Variants in ANO2 observed in about 807,000 individuals in gnomAD.
The protein encoded by ANO2 is anoctamin-2.
A neutral mutation model predicts 124.2 loss-of-function variants in ANO2; 101 were observed. The ratio of observed to expected loss-of-function variants is 0.81; its 90% CI spans 0.69 to 0.96. ANO2 has a LOEUF of 0.96. Ranked by LOEUF, ANO2 falls within the 40% of genes least tolerant of loss-of-function variation. The probability of loss-of-function intolerance (pLI) is 0.00; values close to 1 mark genes in which losing one functional copy is unlikely to be tolerated. For synonymous variants in ANO2, 486 were observed against 482.5 expected (o/e 1.01, Z -0.09); for missense variants, 1,293 against 1,274.5 (o/e 1.01, Z -0.22).
chr12:5,633,882 C>A (rs1945863250), intron 16 of ANO2, among the ~76,000 whole-genome samples: 1 of 152,054 alleles, frequency 6.6e-6, no homozygotes, highest in Non-Finnish European at 1.5e-5. Flanking sequence ...GTTTCCTTTG[C>A]CAGGAATCTT....
chr12:5,832,088 C>T (rs1026076654), intron 5 of ANO2, among the ~76,000 whole-genome samples: 2 of 152,196 alleles, frequency 1.3e-5, no homozygotes, highest in Non-Finnish European at 2.9e-5. Flanking sequence ...TGTTGAAACC[C>T]TATTAGACTG....
intron 16 of ANO2, among the ~76,000 whole-genome samples, chr12:5,626,695 C>G (rs1945426142): frequency 6.6e-6 from 1 of 152,114 alleles, no homozygotes; most frequent in Admixed American, 6.5e-5. Context: ...AGTGAAGAGA[C>G]AAGGAGAGGA....
intron 20 of ANO2, among the ~76,000 whole-genome samples, chr12:5,596,716 G>C (rs554145604): frequency 2.0e-5 from 3 of 152,118 alleles, no homozygotes; most frequent in East Asian, 1.9e-4. Flanking sequence ...TGTGTATTCA[G>C]TGGCATGGCC....
At chr12:5,712,493 C>A (rs1949854900) in intron 14 of ANO2, among the ~76,000 whole-genome samples, 1 of 152,092 alleles carries the variant, frequency 6.6e-6, no homozygotes, top group Admixed American at 6.5e-5. Context: ...CTGGAGCCAC[C>A]AAGGGCTGGA....
rs1379676548 is a variant in ANO2, at chr12:5,739,305, G to A, written c.1434+12C>T. 2 of 1,588,526 alleles carry A rather than the reference G, an allele frequency of 1.3e-6. No individual in the cohort carries two copies. Among genetic ancestry groups the A allele is most frequent in the Non-Finnish European group, 1.7e-6 (2 of 1,165,768 alleles). The stretch of plus-strand genomic sequence containing the variant: ...CCACAGAAGTATGTGAGAAATACGT[G>A]AGAGAACTCACTTCTTCCTCTTCTA... On this transcript the variant is annotated intron_variant, in intron 13 of 24. Coordinates refer to ENST00000682330, the MANE Select transcript of ANO2 (RefSeq NM_001364791.2).
intron 15 of ANO2, among the ~76,000 whole-genome samples, chr12:5,644,754 A>G (rs406430): frequency 0.32 from 48,388 of 152,090 alleles, 8,355 homozygotes; most frequent in African/African-American, 0.42. Flanking sequence ...GATTCGGTTG[A>G]TAGCAAACTC....
At chr12:5,676,227 C>T (rs1289588903) in intron 14 of ANO2, among the ~76,000 whole-genome samples, 4 of 152,148 alleles carry the variant, frequency 2.6e-5, no homozygotes, top group Non-Finnish European at 4.4e-5. Context: ...TTTAGAAAGG[C>T]GTCAAGCCAC....
At chr12:5,814,654 C>T (rs1341395781) in intron 7 of ANO2, among the ~76,000 whole-genome samples, 1 of 152,222 alleles carries the variant, frequency 6.6e-6, no homozygotes, top group Non-Finnish European at 1.5e-5. Flanking sequence ...GAATTTGTGT[C>T]TGTTGGATTC....
chr12:5,921,422 C>CA, intron 2 of ANO2, 56 bp from the exon 3 acceptor site: 1 of 1,534,046 alleles, frequency 6.5e-7, no homozygotes, highest in Non-Finnish European at 8.9e-7. Context: ...GGGTGAGAAA[C>CA]AGAGGAGGCT....
At chr12:5,667,416 T>C (rs1947784985) in intron 14 of ANO2, among the ~76,000 whole-genome samples, 1 of 151,970 alleles carries the variant, frequency 6.6e-6, no homozygotes, top group Non-Finnish European at 1.5e-5. Context: ...ATTGACCTAA[T>C]GAAGACTCCT....
intron 1 of ANO2, among the ~76,000 whole-genome samples, chr12:5,927,913 G>A (rs551672595): frequency 6.6e-6 from 1 of 152,208 alleles, no homozygotes; most frequent in Admixed American, 6.5e-5. Context: ...TTCTGAACAG[G>A]GGGGAGGGGC....
intron 3 of ANO2, among the ~76,000 whole-genome samples, chr12:5,870,591 G>A (rs2137280286): frequency 6.6e-6 from 1 of 152,286 alleles, no homozygotes; most frequent in East Asian, 1.9e-4. Flanking sequence ...CAAAGCTCCA[G>A]CCTCCTGGGA....
chr12:5,827,394 G>A (rs1317764767), intron 7 of ANO2, among the ~76,000 whole-genome samples: 1 of 152,178 alleles, frequency 6.6e-6, no homozygotes, highest in African/African-American at 2.4e-5. Flanking sequence ...GAGAAGGCTG[G>A]ACTAAAGGAC....
intron 1 of ANO2, among the ~76,000 whole-genome samples, chr12:5,933,904 T>A (rs970863335): frequency 2.6e-5 from 4 of 152,172 alleles, no homozygotes. Context: ...AAGTTCAGAT[T>A]TGCCTTTTTT....
chr12:5,897,655 G>A (rs1385380966), intron 3 of ANO2, among the ~76,000 whole-genome samples: 4 of 151,646 alleles, frequency 2.6e-5, no homozygotes, highest in Non-Finnish European at 2.9e-5. Flanking sequence ...AGAATGGTCC[G>A]TTCAATAAAT....
At chr12:5,697,289 G>A (rs1008564401) in intron 14 of ANO2, among the ~76,000 whole-genome samples, 9 of 151,968 alleles carry the variant, frequency 5.9e-5, no homozygotes, top group East Asian at 1.9e-4. Context: ...AAAATTAGCC[G>A]GGCGTGGTGG....
chr12:5,946,173 T>A, upstream of ANO2: 1 of 1,613,898 alleles, frequency 6.2e-7, no homozygotes. This position sits in a 1 kb window ranked among gnomAD's most constrained non-coding sequence, Gnocchi z 4.1. Context: ...AGATTTTCTC[T>A]CCTATATTGA....
chr12:5,739,354 C>T lies in ANO2; in HGVS notation c.1397G>A (p.Gly466Asp). The T allele has an allele frequency of 1.2e-6, 2 of 1,607,630 alleles. No homozygotes were observed. The highest frequency in any genetic ancestry group is 4.5e-5 in the East Asian group (2 of 44,752). The change falls in exon 13 of 25, where the codon GGC (glycine) becomes GAC (aspartate). Residue 466 changes from glycine (G) to aspartate (D), a missense_variant. Coordinates refer to ENST00000682330, the MANE Select transcript of ANO2 (RefSeq NM_001364791.2). The stretch of plus-strand genomic sequence containing the variant: ...TATGCCAGTCAGGTCCCAAAAGTAG[C>T]CCAGTCGCATCTGTAGCCTCTTCCA... ...ENWKRLQMRL[G>D]YFWDLTGIEE...
chr12:5,820,159 T>C (rs1953740300), intron 7 of ANO2, among the ~76,000 whole-genome samples: 1 of 152,174 alleles, frequency 6.6e-6, no homozygotes, highest in African/African-American at 2.4e-5. Flanking sequence ...AAGGGGAGGT[T>C]GGGTCCCCTT....
Sources: gnomAD v4.1 joint callset for allele counts (sites outside exome capture counted in the v4.1 genomes callset) on GRCh38, gnomAD v4.1.1 for gene constraint, Gnocchi (gnomAD v3.1) non-coding constraint, MANE v1.5 for transcripts, NCBI Gene and HGNC (gene_info 2026-07-23, HGNC 2026-07-21) for gene names.